PTK2B: variants seen among roughly 807,000 people sequenced by gnomAD.
PTK2B encodes protein tyrosine kinase 2 beta.
A neutral mutation model predicts 142.9 loss-of-function variants in PTK2B; 71 were observed. The ratio of observed to expected loss-of-function variants is 0.50; its 90% CI spans 0.41 to 0.61. The LOEUF is 0.61. Among genes scored for constraint, PTK2B ranks in the 20% least tolerant of loss-of-function variants. The pLI, the probability that PTK2B is intolerant of heterozygous loss-of-function variation, is 0.00. For synonymous variants in PTK2B, 519 were observed against 503.4 expected (o/e 1.03, Z -0.42); for missense variants, 1,105 against 1,320.4 (o/e 0.84, Z 2.53).
intron 2 of PTK2B, among the ~76,000 whole-genome samples, chr8:27,400,146 C>T (rs1808285268): frequency 6.6e-6 from 1 of 152,172 alleles, no homozygotes. Flanking sequence ...AAAACAACAA[C>T]ATGGTGTTCT....
intron 5 of PTK2B, among the ~76,000 whole-genome samples, chr8:27,426,475 A>G (rs78777175): frequency 1.2e-3 from 188 of 152,344 alleles, no homozygotes; most frequent in African/African-American, 4.3e-3. Context: ...AGAGCAGCTG[A>G]GATGGGACTC....
intron 1 of PTK2B, among the ~76,000 whole-genome samples, chr8:27,328,465 G>T (rs1803546193): frequency 6.6e-6 from 1 of 152,226 alleles, no homozygotes; most frequent in African/African-American, 2.4e-5. Flanking sequence ...GAAATGGAAA[G>T]TGTGTTTCCC....
chr8:27,311,234 A>C (rs986601338), upstream of PTK2B: 1 of 1,532,474 alleles, frequency 6.5e-7, no homozygotes, highest in East Asian at 2.3e-5. Context: ...ACTCCGCTCC[A>C]TGGCACGAGC....
At position 27,431,470 on chromosome 8, in the gene PTK2B, A is replaced by C. The variant is rs760076531; in HGVS notation, c.883A>C (p.Lys295Gln). 1.2e-5 allele frequency: 20 copies of C among 1,613,952 alleles called. No homozygotes were observed. Among genetic ancestry groups the C allele is most frequent in the Non-Finnish European group, 1.4e-5 (17 of 1,180,042 alleles). Reference sequence around the variant, plus strand: ...CCGCCAGCTGACTAGTCAGGACGCAAAGGTAGAGAGACCCGGGGCAGCCCC... The same window carrying C: ...CCGCCAGCTGACTAGTCAGGACGCACAGGTAGAGAGACCCGGGGCAGCCCC... Reference protein sequence around the residue: ...GIRQLTSQDAKPTCLAEFKQI... With the variant: ...GIRQLTSQDAQPTCLAEFKQI... The change falls in exon 9 of 31, where the codon AAG becomes CAG. Residue 295 changes from lysine (K) to glutamine (Q), a missense_variant and splice_region_variant. Lys to Gln is a moderately conservative substitution (Grantham distance 53). Transcript: ENST00000346049.
intron 22 of PTK2B, among the ~76,000 whole-genome samples, chr8:27,443,635 C>T (rs1317665397): frequency 6.6e-6 from 1 of 152,186 alleles, no homozygotes; most frequent in Admixed American, 6.5e-5. Flanking sequence ...ATCCTCATAA[C>T]CTCATCTAAC....
At chr8:27,401,456 A>G (rs1005361298) in intron 2 of PTK2B, among the ~76,000 whole-genome samples, 2 of 152,192 alleles carry the variant, frequency 1.3e-5, no homozygotes, top group African/African-American at 4.8e-5. Flanking sequence ...GGCAGAACAC[A>G]TTGTGCAATG....
At chr8:27,384,051 T>C (rs1021529509) in intron 1 of PTK2B, among the ~76,000 whole-genome samples, 2 of 151,036 alleles carry the variant, frequency 1.3e-5, no homozygotes, top group African/African-American at 4.8e-5. Context: ...GGTTTCTCCA[T>C]GTTGGTCAGG....
intron 15 of PTK2B, among the ~76,000 whole-genome samples, chr8:27,436,624 G>T (rs929862619): frequency 1.3e-5 from 2 of 152,180 alleles, no homozygotes; most frequent in Admixed American, 1.3e-4. Flanking sequence ...GAATACAAAG[G>T]GGGAGGCGGG....
At chr8:27,325,314 T>A (rs1025236258), upstream of PTK2B, 3 of 152,056 alleles carry the variant, frequency 2.0e-5, no homozygotes, top group Admixed American at 6.6e-5. Context: ...AGTTAACTGC[T>A]CACAAGGGGC....
Position 27,419,924 on chromosome 8 carries a change from G to A in PTK2B, c.234G>A (p.Gly78=). 6.2e-7 allele frequency: 1 copy of A among 1,614,226 alleles called. No homozygotes were observed. Among genetic ancestry groups the A allele is most frequent in the South Asian group, 1.1e-5 (1 of 91,074 alleles). ...REIITSILLS[G]RIGPNIRLAE... ...TCATCACCTCCATCCTGCTGAGCGG[G>A]CGGATCGGGCCCAACATCCGGTTGG... Residue 78 remains glycine (G), a synonymous_variant, in exon 3 of 31, where the codon GGG becomes GGA. Coordinates refer to ENST00000346049, the MANE Select transcript of PTK2B (RefSeq NM_173176.3).
chr8:27,439,465 G>T (rs1811016077), intron 20 of PTK2B, 67 bp downstream of exon 20: 1 of 1,508,980 alleles, frequency 6.6e-7, no homozygotes, highest in Non-Finnish European at 9.2e-7. Flanking sequence ...GGCTAAGGGG[G>T]TGGGTGCAGG....
chr8:27,362,768 A>G (rs1316034948), intron 1 of PTK2B, among the ~76,000 whole-genome samples: 2 of 152,194 alleles, frequency 1.3e-5, no homozygotes, highest in Non-Finnish European at 2.9e-5. Flanking sequence ...AGCCGTTACC[A>G]TGCAAAATCT....
chr8:27,412,575 C>T (rs1809135682), intron 2 of PTK2B, among the ~76,000 whole-genome samples: 1 of 152,092 alleles, frequency 6.6e-6, no homozygotes, highest in African/African-American at 2.4e-5. Flanking sequence ...AAAGAATGCA[C>T]CACTGGTAAG....
intron 3 of PTK2B, among the ~76,000 whole-genome samples, chr8:27,317,574 T>C (rs1803120975): frequency 6.6e-6 from 1 of 152,272 alleles, no homozygotes; most frequent in African/African-American, 2.4e-5. Context: ...TTGTTTTTTC[T>C]TAACTTCCTT....
intron 1 of PTK2B, chr8:27,380,926 G>T (rs2131101278): frequency 6.6e-6 from 1 of 152,320 alleles, no homozygotes; most frequent in East Asian, 1.9e-4. Context: ...GGTCAAAGGG[G>T]ACAAAGTTAT....
At chr8:27,451,218 C>G (rs1811790761) in intron 26 of PTK2B, 140 bp downstream of exon 26, 27 of 1,102,218 alleles carry the variant, frequency 2.4e-5, no homozygotes, top group Non-Finnish European at 3.6e-5. Context: ...GGGAGGGTGT[C>G]TTTTCCTTTT....
intron 1 of PTK2B, among the ~76,000 whole-genome samples, chr8:27,328,047 G>C (rs1056233547): frequency 6.6e-6 from 1 of 152,182 alleles, no homozygotes; most frequent in Non-Finnish European, 1.5e-5. Flanking sequence ...GTGAGAACTC[G>C]TGGGGTTAGC....
At chr8:27,385,680 G>A (rs1354980602) in intron 1 of PTK2B, among the ~76,000 whole-genome samples, 2 of 152,140 alleles carry the variant, frequency 1.3e-5, no homozygotes, top group East Asian at 3.9e-4. Flanking sequence ...ATCACTTGAG[G>A]CCAGGAGTTC....
chr8:27,334,164 G>C (rs1033516314), intron 1 of PTK2B, among the ~76,000 whole-genome samples: 2 of 151,636 alleles, frequency 1.3e-5, no homozygotes, highest in Non-Finnish European at 2.9e-5. Context: ...CCCCTACTCT[G>C]ACCCAAATCA....
Sources: allele counts gnomAD v4.1 joint callset (sites outside exome capture counted in the v4.1 genomes callset), GRCh38; gene constraint gnomAD v4.1.1; transcripts MANE v1.5; gene names NCBI Gene and HGNC (gene_info 2026-07-23, HGNC 2026-07-21).